Variants in TMEM87A observed in about 807,000 individuals in gnomAD.
TMEM87A encodes transmembrane protein 87A, also known as Golgi-pH regulating cation channel.
In TMEM87A, 50 loss-of-function variants were observed where a neutral mutation model predicts 90.0. That is an observed-to-expected ratio of 0.56 (90% CI 0.44 to 0.70). The LOEUF (loss-of-function observed/expected upper bound fraction) is 0.70, where lower values mean the gene tolerates loss of function less well. Ranked by LOEUF, TMEM87A falls within the 30% of genes least tolerant of loss-of-function variation. The pLI, the probability that TMEM87A is intolerant of heterozygous loss-of-function variation, is 0.00. For missense variants in TMEM87A, 577 were observed against 660.5 expected, an observed-to-expected ratio of 0.87 and a Z score of 1.39; for synonymous variants, 226 against 226.7, an observed-to-expected ratio of 1.00 and a Z score of 0.03.
intron 19 of TMEM87A, among the ~76,000 whole-genome samples, chr15:42,212,200 A>G (rs1025056947): frequency 2.0e-5 from 3 of 152,230 alleles, no homozygotes; most frequent in Non-Finnish European, 4.4e-5. Flanking sequence ...TTTAAAAATC[A>G]TGTAAAAAAT....
chr15:42,219,475 G>T, intron 17 of TMEM87A, 106 bp downstream of exon 17: 1 of 907,064 alleles, frequency 1.1e-6, no homozygotes, highest in Non-Finnish European at 1.7e-6. Flanking sequence ...AAAAATCATT[G>T]CCAAGACCAA....
At chr15:42,259,944 G>C (rs1344265159) in intron 6 of TMEM87A, among the ~76,000 whole-genome samples, 2 of 152,204 alleles carry the variant, frequency 1.3e-5, no homozygotes, top group Non-Finnish European at 2.9e-5. Flanking sequence ...TCAGAGGCTG[G>C]GGGCAGGAGA....
chr15:42,217,902 T>C (rs2050409219), intron 18 of TMEM87A, 69 bp from the exon 19 acceptor site: 3 of 1,472,114 alleles, frequency 2.0e-6, no homozygotes, highest in Non-Finnish European at 9.3e-7. Context: ...TAAAAGACAA[T>C]GGAATAATGC....
At chr15:42,258,851 A>G in intron 6 of TMEM87A, 1 of 1,503,372 alleles carries the variant, frequency 6.7e-7, no homozygotes, top group Non-Finnish European at 8.9e-7. Context: ...ATGGCAGAAT[A>G]AGAAACTCTG....
Position 42,272,200 on chromosome 15 carries a change from T to C in TMEM87A, c.145-77A>G, listed in dbSNP as rs1329192934. On this transcript the variant is annotated intron_variant, in intron 1 of 19. Coordinates refer to ENST00000389834, the MANE Select transcript of TMEM87A (RefSeq NM_015497.5). ...GCATCATATAACTATCTAAGACTGC[T>C]AGAAATTCCAACTTAACTTAAATCT... 9 of 1,068,352 alleles carry C rather than the reference T, an allele frequency of 8.4e-6. No individual in the cohort carries two copies. In the African/African-American group the frequency reaches 9.7e-5, roughly 11 times the overall value. 66.2% of individuals were successfully genotyped at this position (1,068,352 alleles called of 1,614,324 possible).
chr15:42,244,122 A>C lies in TMEM87A; in HGVS notation c.550T>G (p.Phe184Val), dbSNP rs747354481. The C allele has an allele frequency of 3.0e-5, 48 of 1,579,330 alleles. No homozygotes were observed. The highest frequency in any genetic ancestry group is 3.7e-5 in the Non-Finnish European group (43 of 1,169,148). The change falls in exon 7 of 20, where the codon TTT (phenylalanine) becomes GTT (valine). Residue 184 changes from phenylalanine to valine, a missense_variant. Phe to Val is a conservative substitution (Grantham distance 50). Coordinates refer to ENST00000389834, the MANE Select transcript of TMEM87A (RefSeq NM_015497.5). ...GATGAAATGCCAATATGTACAATAA[A>C]AATGTATGGTGCATCTTGCCAAGTT... Reference protein sequence around the residue: ...LQTWQDAPYIFIVHIGISSSK... With the variant: ...LQTWQDAPYIVIVHIGISSSK...
At chr15:42,213,854 A>G (rs765165958) in intron 19 of TMEM87A, among the ~76,000 whole-genome samples, 2 of 152,164 alleles carry the variant, frequency 1.3e-5, no homozygotes, top group Non-Finnish European at 2.9e-5. Context: ...TCAGTGAAAC[A>G]TGGCCCAAAC....
chr15:42,235,367 C>T (rs925104599), intron 10 of TMEM87A, among the ~76,000 whole-genome samples: 1 of 152,146 alleles, frequency 6.6e-6, no homozygotes, highest in African/African-American at 2.4e-5. Context: ...TCTTTATCTT[C>T]ATGACTCCCA....
chr15:42,272,108 T>G lies in TMEM87A; in HGVS notation c.160A>C (p.Ser54Arg). 1 of 1,607,238 alleles carries G rather than the reference T, an allele frequency of 6.2e-7. No individual in the cohort carries two copies. Among genetic ancestry groups the G allele is most frequent in the South Asian group, 1.1e-5 (1 of 89,190 alleles). ...TTTCTGAAGAGGATCTTTCCAAAAC[T>G]AAAATAATTTTTCCCCTGCAAACAT... ...IPIPSGKNYF[S>R]FGKILFRNTT... is the part of the protein sequence containing the mutation. Residue 54 changes from serine to arginine, a missense_variant, in exon 2 of 20, where the codon AGT (serine) becomes CGT (arginine). Ser to Arg is a moderately radical substitution (Grantham distance 110, BLOSUM62 -1). Transcript: ENST00000389834.
chr15:42,217,740 C>T (rs997011996), intron 19 of TMEM87A, 63 bp downstream of exon 19: 30 of 1,512,044 alleles, frequency 2.0e-5, no homozygotes, highest in Admixed American at 9.0e-5. Flanking sequence ...CATGAACAGA[C>T]GATTCATGAC....
intron 4 of TMEM87A, among the ~76,000 whole-genome samples, chr15:42,263,614 G>A (rs551592516): frequency 7.2e-5 from 11 of 152,230 alleles, no homozygotes; most frequent in African/African-American, 2.6e-4. Flanking sequence ...CAGGCGTAAT[G>A]GTGTGAATCT....
intron 12 of TMEM87A, among the ~76,000 whole-genome samples, chr15:42,230,685 G>A (rs1269311463): frequency 6.6e-6 from 1 of 152,180 alleles, no homozygotes; most frequent in Non-Finnish European, 1.5e-5. Flanking sequence ...GCTTTTGAAT[G>A]AGGCAAGAAA....
chr15:42,261,367 T>A (rs1403909044), intron 4 of TMEM87A, 118 bp from the exon 5 acceptor site: 1 of 690,898 alleles, frequency 1.4e-6, no homozygotes, highest in Non-Finnish European at 2.2e-6. Context: ...GTAAATATAA[T>A]AACACAGCAT....
intron 4 of TMEM87A, among the ~76,000 whole-genome samples, chr15:42,263,360 A>C (rs1194120679): frequency 6.6e-6 from 1 of 152,232 alleles, no homozygotes; most frequent in African/African-American, 2.4e-5. Flanking sequence ...AAATTCATGG[A>C]AAGTAGAAGA....
At chr15:42,260,838 G>C (rs1258856511) in intron 6 of TMEM87A, 120 bp downstream of exon 6, 2 of 1,096,598 alleles carry the variant, frequency 1.8e-6, no homozygotes, top group Non-Finnish European at 2.6e-6. Flanking sequence ...TTGGTCTATA[G>C]CTTCCAGATT....
chr15:42,251,343 G>A (rs2051081722), intron 6 of TMEM87A, among the ~76,000 whole-genome samples: 1 of 152,150 alleles, frequency 6.6e-6, no homozygotes, highest in South Asian at 2.1e-4. Flanking sequence ...AGAATTTTCA[G>A]CTTTTCTGCT....
chr15:42,232,970 G>C, intron 11 of TMEM87A: 1 of 277,768 alleles, frequency 3.6e-6, no homozygotes, highest in South Asian at 9.3e-5. Flanking sequence ...CTTGGGAGGA[G>C]GAACTAAAAC....
At chr15:42,218,024 CG>C in intron 18 of TMEM87A, 191 bp from the exon 19 acceptor site, 5 of 648,072 alleles carry the variant, frequency 7.7e-6, no homozygotes, top group Non-Finnish European at 1.3e-5. Flanking sequence ...AGAAAAAAAA[CG>C]TATTTTGCAA....
intron 6 of TMEM87A, among the ~76,000 whole-genome samples, chr15:42,245,859 G>A (rs2050963194): frequency 6.6e-6 from 1 of 152,090 alleles, no homozygotes; most frequent in Admixed American, 6.5e-5. Context: ...CATCCTCACA[G>A]CAGCCCTATC....
Sources: gnomAD v4.1 joint callset for allele counts (sites outside exome capture counted in the v4.1 genomes callset) on GRCh38, gnomAD v4.1.1 for gene constraint, MANE v1.5 for transcripts, NCBI Gene and HGNC (gene_info 2026-07-23, HGNC 2026-07-21) for gene names.